The following SDR42E1 variants were observed in gnomAD, a reference collection of about 807,000 sequenced individuals.
SDR42E1 encodes the protein short chain dehydrogenase/reductase family 42E, member 1.
Under a neutral mutation model 2.6 loss-of-function variants are expected in SDR42E1, and 5 were observed. The ratio of observed to expected loss-of-function variants is 1.94; its 90% CI spans 1.01 to 4.08. SDR42E1 has a LOEUF of 4.08. Ranked by LOEUF, SDR42E1 falls within the 30% of genes most tolerant of loss-of-function variation. SDR42E1 has a pLI of 0.00. For synonymous variants in SDR42E1, 231 were observed against 188.3 expected, an observed-to-expected ratio of 1.23 and a Z score of -1.86; for missense variants, 596 against 478.6, an observed-to-expected ratio of 1.25 and a Z score of -2.29.
In SDR42E1 at chr16:81,992,569, G is replaced by A. The variant is rs1912451519; in HGVS notation, c.*6542C>T. On this transcript the variant is annotated 3_prime_UTR_variant, in exon 3 of 3. Coordinates refer to ENST00000328945, the MANE Select transcript of SDR42E1 (RefSeq NM_145168.3). ...GATCTGAAATATGGCTCCACTGGGA[G>A]GCTAGAGCAAAAGATATGTAGAATA... The A allele has an allele frequency of 6.6e-6, 1 of 152,126 alleles. No homozygotes were observed. Among genetic ancestry groups the A allele is most frequent in the South Asian group, 2.1e-4 (1 of 4,824 alleles). The allele number at this position is 152,126 out of a possible 1,614,324, so 9.4% of individuals were successfully genotyped here.
intron 1 of SDR42E1, among the ~76,000 whole-genome samples, chr16:82,010,493 TC>T (rs1176268242): frequency 1.3e-5 from 2 of 152,114 alleles, no homozygotes; most frequent in Non-Finnish European, 2.9e-5. Context: ...AAGGGAAAAG[TC>T]AAGCTGAGAA....
chr16:82,009,330 C>T lies in SDR42E1; in HGVS notation c.-27+2057G>A, dbSNP rs138879916. On this transcript the variant is annotated intron_variant, in intron 1 of 2. Transcript: ENST00000328945. ...TGGTAGATCCACCAACAGCTTGCAC[C>T]GTACACCTAGAAAAGCAGCAGACAC... Among the ~76,000 whole-genome samples the T allele has an allele frequency of 4.3e-3, 659 of 152,300 alleles. 2 individuals are homozygous for T. The highest frequency in any genetic ancestry group is 0.015 in the African/African-American group (637 of 41,564).
chr16:81,994,312 G>A lies in SDR42E1; in HGVS notation c.*4799C>T, dbSNP rs1011129855. The A allele has an allele frequency of 6.6e-5, 10 of 152,238 alleles. No individual in the cohort carries two copies. Among genetic ancestry groups the A allele is most frequent in the Non-Finnish European group, 1.0e-4 (7 of 68,072 alleles). The allele number at this position is 152,238 out of a possible 1,614,324, so 9.4% of individuals were successfully genotyped here. A position where few individuals can be genotyped will look rare whatever the true frequency, so the allele number is the denominator to read the frequency against. On this transcript the variant is annotated 3_prime_UTR_variant, in exon 3 of 3. Coordinates refer to ENST00000328945, the MANE Select transcript of SDR42E1 (RefSeq NM_145168.3). ...AGCACTCGGTCCTCTCCTTCAGGTAGGAGGACCCTGAAGAGGAGCTGCACC... is the reference window on the plus strand; with the variant it reads ...AGCACTCGGTCCTCTCCTTCAGGTAAGAGGACCCTGAAGAGGAGCTGCACC...
intron 1 of SDR42E1, among the ~76,000 whole-genome samples, chr16:82,008,926 G>A (rs1240974906): frequency 2.0e-5 from 3 of 152,170 alleles, no homozygotes; most frequent in African/African-American, 7.2e-5. Context: ...GGGTCCCCCT[G>A]CTCTATGCAG....
rs113652694 is a variant in SDR42E1, at chr16:82,003,190, C to A, written c.-26-2306G>T. Among the ~76,000 whole-genome samples, 1,389 of 152,154 alleles carry A rather than the reference C, an allele frequency of 9.1e-3. 17 individuals carry two copies. The highest frequency in any genetic ancestry group is 0.03 in the African/African-American group (1,265 of 41,518). ...TGGGGCAGAGGATGGCTGATGAGTT[C>A]CCAAGGTTCCATTAAGCAACTGCCA... On this transcript the variant is annotated intron_variant, in intron 1 of 2. Transcript: ENST00000328945.
chr16:82,003,148 A>G (rs1378424852), intron 1 of SDR42E1, among the ~76,000 whole-genome samples: 1 of 152,188 alleles, frequency 6.6e-6, no homozygotes, highest in Non-Finnish European at 1.5e-5. Context: ...GAGAAATACT[A>G]GGGAAACTGA....
At chr16:82,000,934 T>G in intron 1 of SDR42E1, 50 bp from the exon 2 acceptor site, 2 of 1,304,428 alleles carry the variant, frequency 1.5e-6, no homozygotes, top group Non-Finnish European at 2.2e-6. Context: ...GCAAACGTCA[T>G]TCTCCCTAAT....
intron 1 of SDR42E1, among the ~76,000 whole-genome samples, chr16:82,003,174 G>C (rs140687788): frequency 5.6e-4 from 86 of 152,286 alleles, no homozygotes; most frequent in African/African-American, 2.0e-3. Flanking sequence ...ATGGGGCAGA[G>C]GATGGCTGAT....
intron 1 of SDR42E1, among the ~76,000 whole-genome samples, chr16:82,010,072 A>G (rs1913076650): frequency 6.6e-6 from 1 of 152,250 alleles, no homozygotes; most frequent in African/African-American, 2.4e-5. Flanking sequence ...GCCTTCTGGC[A>G]TGATTATGAG....
Position 81,997,545 on chromosome 16 carries a change from G to T in SDR42E1, c.*1566C>A, listed in dbSNP as rs1335566711. On this transcript the variant is annotated 3_prime_UTR_variant, in exon 3 of 3. Coordinates refer to ENST00000328945, the MANE Select transcript of SDR42E1 (RefSeq NM_145168.3). ...TTCAAGCAGTTCTAGAACAATACAT[G>T]GCAGGTGCTCATATGCGTTAACCCC... 5.9e-5 allele frequency: 9 copies of T among 152,186 alleles called. No individual in the cohort carries two copies. Among genetic ancestry groups the T allele is most frequent in the African/African-American group, 2.2e-4 (9 of 41,446 alleles). The allele number at this position is 152,186 out of a possible 1,614,324, so 9.4% of individuals were successfully genotyped here. A position where few individuals can be genotyped will look rare whatever the true frequency, so the allele number is the denominator to read the frequency against.
In SDR42E1 at chr16:81,989,295, G is replaced by C. The variant is rs1443425257; in HGVS notation, c.*9816C>G. On this transcript the variant is annotated 3_prime_UTR_variant, in exon 3 of 3. Coordinates refer to ENST00000328945, the MANE Select transcript of SDR42E1 (RefSeq NM_145168.3). ...AAACCGTAGTAGCAGAAGGAACTGT[G>C]AGGTGGGAGACAGTAGTATGGGGAA... 1 of 152,224 alleles carries C rather than the reference G, an allele frequency of 6.6e-6. No homozygotes were observed. The highest frequency in any genetic ancestry group is 1.5e-5 in the Non-Finnish European group (1 of 68,056). 9.4% of individuals were successfully genotyped at this position (152,224 alleles called of 1,614,324 possible).
rs1912406663 is a variant in SDR42E1, at chr16:81,990,711, C to T, written c.*8400G>A. ...AAGTCACATTGCAAATAAGAGATGG[C>T]TCCAGGACAGGCATAAGGAAGTGCA... On this transcript the variant is annotated 3_prime_UTR_variant, in exon 3 of 3. Coordinates refer to ENST00000328945, the MANE Select transcript of SDR42E1 (RefSeq NM_145168.3). The T allele has an allele frequency of 6.6e-6, 1 of 152,182 alleles. No homozygotes were observed. The highest frequency in any genetic ancestry group is 2.4e-5 in the African/African-American group (1 of 41,434). The allele number at this position is 152,182 out of a possible 1,614,324, so 9.4% of individuals were successfully genotyped here.
chr16:82,007,498 G>A (rs1212564071), intron 1 of SDR42E1: 1 of 152,184 alleles, frequency 6.6e-6, no homozygotes, highest in East Asian at 1.9e-4. Context: ...GACACAAAGT[G>A]CCTAACTCCA....
At chr16:82,010,151 T>C (rs1031374402) in intron 1 of SDR42E1, among the ~76,000 whole-genome samples, 10 of 152,250 alleles carry the variant, frequency 6.6e-5, no homozygotes, top group African/African-American at 2.4e-4. Context: ...CAGTCTTGGG[T>C]ATGTTTTTAT....
At position 81,999,996 on chromosome 16, in the gene SDR42E1, G is replaced by A. The variant is rs761131995; in HGVS notation, c.297C>T (p.Asn99=). The A allele has an allele frequency of 1.4e-5, 23 of 1,614,222 alleles. No homozygotes were observed. The highest frequency in any genetic ancestry group is 6.7e-5 in the African/African-American group (5 of 75,064). ...GGAGGATGTTGTCTGTGCCCCTGACGTTGACTTCTTTGATCAGGTTTCGAT... is the reference window on the plus strand; with the variant it reads ...GGAGGATGTTGTCTGTGCCCCTGACATTGACTTCTTTGATCAGGTTTCGAT... ...QLNRNLIKEV[N]VRGTDNILQV... Residue 99 remains asparagine (N), a synonymous_variant, in exon 3 of 3, where the codon AAC becomes AAT. Coordinates refer to ENST00000328945, the MANE Select transcript of SDR42E1 (RefSeq NM_145168.3).
At chr16:82,010,497 G>A (rs1265306152) in intron 1 of SDR42E1, among the ~76,000 whole-genome samples, 1 of 152,194 alleles carries the variant, frequency 6.6e-6, no homozygotes, top group Non-Finnish European at 1.5e-5. Context: ...GAAAAGTCAA[G>A]CTGAGAACTG....
rs1312549079 is a variant in SDR42E1 at position 81,999,664 on chromosome 16, T to G, written c.629A>C (p.Lys210Thr). The stretch of plus-strand genomic sequence containing the variant: ...GCTCCTGGGGTCCCCGTAGACAAAC[T>G]TGAACAGACCCTTCTCGATGTAGCT... ...IVSYIEKGLF[K>T]FVYGDPRSLV... Residue 210 changes from lysine to threonine, a missense_variant, in exon 3 of 3, where the codon AAG (lysine) becomes ACG (threonine). Transcript: ENST00000328945. The G allele has an allele frequency of 6.2e-7, 1 of 1,614,220 alleles. No homozygotes were observed. The highest frequency in any genetic ancestry group is 1.7e-5 in the Admixed American group (1 of 60,030).
In SDR42E1 at chr16:81,994,972, CACTA is replaced by C. The variant is rs1401161242; in HGVS notation, c.*4135_*4138del. 3.3e-5 allele frequency: 5 copies of C among 152,174 alleles called. No individual in the cohort carries two copies. Among genetic ancestry groups the C allele is most frequent in the African/African-American group, 1.2e-4 (5 of 41,440 alleles). The allele number at this position is 152,174 out of a possible 1,614,324, so 9.4% of individuals were successfully genotyped here. Reference sequence around the variant, plus strand: ...TGCCAGAATGAGTTATTTGACCCTCCACTAACTGTTACTGCTTGTAATGTGGCAC... The same window carrying C: ...TGCCAGAATGAGTTATTTGACCCTCCACTGTTACTGCTTGTAATGTGGCAC... On this transcript the variant is annotated 3_prime_UTR_variant, in exon 3 of 3. Coordinates refer to ENST00000328945, the MANE Select transcript of SDR42E1 (RefSeq NM_145168.3).
intron 1 of SDR42E1, among the ~76,000 whole-genome samples, chr16:82,007,170 A>G (rs971679286): frequency 6.6e-6 from 1 of 152,252 alleles, no homozygotes; most frequent in Non-Finnish European, 1.5e-5. Context: ...TATCTAGCAG[A>G]TTGTAGACCC....
Sources: allele counts gnomAD v4.1 joint callset (sites outside exome capture counted in the v4.1 genomes callset), GRCh38; gene constraint gnomAD v4.1.1; transcripts MANE v1.5; gene names NCBI Gene and HGNC (gene_info 2026-07-23, HGNC 2026-07-21).